The following RC3H1 variants were observed in gnomAD, a reference collection of about 807,000 sequenced individuals.
The protein encoded by RC3H1 is roquin-1.
RC3H1 carries 50 observed loss-of-function variants against 138.2 expected under a neutral mutation model. That is an observed-to-expected ratio of 0.36 (90% confidence interval 0.29 to 0.46). The LOEUF (loss-of-function observed/expected upper bound fraction) is 0.46. Ranked by LOEUF, RC3H1 falls within the 20% of genes least tolerant of loss-of-function variation. The pLI is 1.00. For missense variants in RC3H1, 1,031 were observed against 1,388.1 expected (o/e 0.74, Z 4.09); for synonymous variants, 462 against 489.1 (o/e 0.94, Z 0.73).
At chr1:173,949,089 T>C (rs1289258576) in intron 14 of RC3H1, among the ~76,000 whole-genome samples, 1 of 137,636 alleles carries the variant, frequency 7.3e-6, no homozygotes, top group Non-Finnish European at 1.5e-5. Flanking sequence ...AAAAAAAAAT[T>C]TTATTTTGCT....
At chr1:173,972,422 A>T in intron 8 of RC3H1, 87 bp downstream of exon 8, 1 of 813,388 alleles carries the variant, frequency 1.2e-6, no homozygotes, top group African/African-American at 1.7e-5. Context: ...TTGGCTTTGT[A>T]TCTGTAGGTA....
At chr1:173,970,154 T>A (rs1047692579) in intron 9 of RC3H1, among the ~76,000 whole-genome samples, 4 of 152,198 alleles carry the variant, frequency 2.6e-5, no homozygotes, top group Non-Finnish European at 5.9e-5. Context: ...GTCTTGGGGA[T>A]AAGACCCAAA....
At chr1:173,949,632 GTGC>G (rs1659296842) in intron 14 of RC3H1, among the ~76,000 whole-genome samples, 1 of 152,102 alleles carries the variant, frequency 6.6e-6, no homozygotes, top group African/African-American at 2.4e-5. Context: ...GCCTCTGAAA[GTGC>G]TGGGATTATA....
intron 9 of RC3H1, among the ~76,000 whole-genome samples, chr1:173,967,892 CA>C (rs1660191656): frequency 6.6e-6 from 1 of 152,046 alleles, no homozygotes; most frequent in Non-Finnish European, 1.5e-5. Context: ...AACAAACAAA[CA>C]AAAATCCTCT....
intron 1 of RC3H1, among the ~76,000 whole-genome samples, chr1:174,002,978 G>A (rs1019925551): frequency 2.6e-5 from 4 of 152,048 alleles, no homozygotes; most frequent in Non-Finnish European, 5.9e-5. Flanking sequence ...CTTCTCTTCT[G>A]AGTGCCAGGG....
intron 2 of RC3H1, among the ~76,000 whole-genome samples, chr1:173,988,677 A>G (rs1040908284): frequency 5.9e-5 from 9 of 152,208 alleles, no homozygotes; most frequent in Non-Finnish European, 1.2e-4. Context: ...AAAAGATGAG[A>G]GTTTTTGTTG....
In RC3H1 at chr1:173,968,890, G is replaced by C. The variant is rs186676050; in HGVS notation, c.1334+1615C>G. 1.8e-3 allele frequency among the ~76,000 whole-genome samples: 238 copies of C among 131,244 alleles called. 1 individual carries two copies. The highest frequency in any genetic ancestry group is 7.4e-3 in the African/African-American group (228 of 30,976). 86.1% of individuals were successfully genotyped at this position (131,244 alleles called of 152,430 possible). A position where few individuals can be genotyped will look rare whatever the true frequency, so the allele number is the denominator to read the frequency against. The stretch of plus-strand genomic sequence containing the variant: ...TTTTTTTTTTTGGAGACAGAGTCTC[G>C]CACTGTCGTTCAGGCTGGAGTGCTA... On this transcript the variant is annotated intron_variant, in intron 9 of 19. Transcript: ENST00000367696.
chr1:173,937,991 T>C lies in RC3H1; in HGVS notation c.*730A>G, dbSNP rs892924700. The C allele has an allele frequency of 2.0e-5, 3 of 152,214 alleles. No homozygotes were observed. The highest frequency in any genetic ancestry group is 1.3e-4 in the Admixed American group (2 of 15,284). 9.4% of individuals were successfully genotyped at this position (152,214 alleles called of 1,614,324 possible). A position where few individuals can be genotyped will look rare whatever the true frequency, so the allele number is the denominator to read the frequency against. ...AAGAGAATGCAAATGATCCTTAATA[T>C]GAAAATGAGGACTTCAAAATTGGTA... On this transcript the variant is annotated 3_prime_UTR_variant, in exon 20 of 20. Transcript: ENST00000367696.
chr1:174,008,014 A>G (rs1259481837), intron 1 of RC3H1, among the ~76,000 whole-genome samples: 1 of 152,218 alleles, frequency 6.6e-6, no homozygotes, highest in East Asian at 1.9e-4. Context: ...ATCACACAGC[A>G]TATGTGTCAC....
In RC3H1 at chr1:173,992,877, C is replaced by T. The variant is rs1373140444; in HGVS notation, c.109G>A (p.Val37Ile). The change falls in exon 2 of 20, where the codon GTC (valine) becomes ATC (isoleucine). Residue 37 changes from valine to isoleucine, a missense_variant. Coordinates refer to ENST00000367696, the MANE Select transcript of RC3H1 (RefSeq NM_172071.4). ...AGTTTATTCAGGCACATCTTGCAGA[C>T]AGTATGGCCACAACCCAAACTGATG... ...KPISLGCGHT[V>I]CKMCLNKLHR... 2 of 1,614,134 alleles carry T rather than the reference C, an allele frequency of 1.2e-6. No homozygotes were observed. Among genetic ancestry groups the T allele is most frequent in the South Asian group, 1.1e-5 (1 of 91,084 alleles).
chr1:173,944,851 C>A (rs538193955), intron 17 of RC3H1, among the ~76,000 whole-genome samples: 3 of 152,300 alleles, frequency 2.0e-5, no homozygotes, highest in East Asian at 3.9e-4. Flanking sequence ...AAAACAATCT[C>A]CTACTGGTCT....
intron 13 of RC3H1, among the ~76,000 whole-genome samples, chr1:173,955,822 T>C (rs892902785): frequency 3.9e-5 from 6 of 152,144 alleles, no homozygotes; most frequent in African/African-American, 1.4e-4. Context: ...AACACTGCTC[T>C]CTTCTTCAAA....
intron 8 of RC3H1, 147 bp from the exon 9 acceptor site, chr1:173,970,764 T>C (rs773367508): frequency 3.5e-5 from 19 of 540,668 alleles, no homozygotes; most frequent in African/African-American, 7.8e-5. Flanking sequence ...TGGAAAGTCA[T>C]TCTGTCTGAA....
In RC3H1 at chr1:174,003,385, T is replaced by TCACACACACACACACACACACA. The variant is rs3220994; in HGVS notation, c.-150-10272_-150-10251dup. Among the ~76,000 whole-genome samples, 34 of 143,324 alleles carry TCACACACACACACACACACACA rather than the reference T, an allele frequency of 2.4e-4. 1 individual carries two copies. In the South Asian group the frequency reaches 5.1e-3, roughly 21 times the overall value. The allele number at this position is 143,324 out of a possible 152,430, so 94.0% of individuals were successfully genotyped here. On this transcript the variant is annotated intron_variant, in intron 1 of 19. Transcript: ENST00000367696. ...CTGGGCAACAAGAGCAAGACTCCTA[T>TCACACACACACACACACACACA]CACACACACACACACACACACACAC...
In RC3H1 at chr1:174,006,917, G is replaced by A. The variant is rs1185033199; in HGVS notation, c.-150-13782C>T. 3.9e-5 allele frequency among the ~76,000 whole-genome samples: 6 copies of A among 152,256 alleles called. No homozygotes were observed. The East Asian group carries it at 1.2e-3, about 29-fold the overall frequency. ...AGTATAACATACATACAGATCAAGA[G>A]TGTTCAGTTCAACGAATTATCACAA... On this transcript the variant is annotated intron_variant, in intron 1 of 19. Transcript: ENST00000367696.
chr1:173,976,354 C>T (rs1424269561), intron 7 of RC3H1, among the ~76,000 whole-genome samples: 2 of 151,538 alleles, frequency 1.3e-5, no homozygotes, highest in East Asian at 3.9e-4. Flanking sequence ...GTAATCCTAG[C>T]TACTCGGGAC....
In RC3H1 at chr1:173,931,307, T is replaced by A. The variant is rs1314213812; in HGVS notation, c.*7414A>T. ...ATATATTTACAATCCAAAAGGTGAA[T>A]CACCTCCTTCTACTTGTTAAAATAA... On this transcript the variant is annotated 3_prime_UTR_variant, in exon 20 of 20. Transcript: ENST00000367696. The A allele has an allele frequency of 6.6e-6, 1 of 152,190 alleles. No homozygotes were observed. The highest frequency in any genetic ancestry group is 3.2e-3 in the Middle Eastern group (1 of 316). 9.4% of individuals were successfully genotyped at this position (152,190 alleles called of 1,614,324 possible).
intron 1 of RC3H1, chr1:174,009,195 CTGTGGATTGCACAATAAACAGA>C (rs1661707858): frequency 6.6e-6 from 1 of 152,148 alleles, no homozygotes; most frequent in Non-Finnish European, 1.5e-5. Context: ...AGTCTAACCA[CTGTGGATTGCACAATAAACAGA>C]TAAGTCTATT....
chr1:174,014,308 T>C (rs1661819775), intron 1 of RC3H1, among the ~76,000 whole-genome samples: 2 of 152,116 alleles, frequency 1.3e-5, no homozygotes, highest in South Asian at 4.1e-4. Flanking sequence ...TGGGGGACAG[T>C]ATAAATGGGA....
Sources: gnomAD v4.1 joint callset for allele counts (sites outside exome capture counted in the v4.1 genomes callset) on GRCh38, gnomAD v4.1.1 for gene constraint, MANE v1.5 for transcripts, NCBI Gene and HGNC (gene_info 2026-07-23, HGNC 2026-07-21) for gene names.